The following LARS2 variants were observed in gnomAD, a reference collection of about 807,000 sequenced individuals.
LARS2 encodes leucyl-tRNA synthetase 2, mitochondrial.
A neutral mutation model predicts 116.6 loss-of-function variants in LARS2; 81 were observed. The observed-to-expected ratio is 0.69, with a 90% confidence interval of 0.58 to 0.84. The LOEUF (loss-of-function observed/expected upper bound fraction) is 0.84. Among genes scored for constraint, LARS2 ranks in the 40% least tolerant of loss-of-function variants. The probability of loss-of-function intolerance (pLI) is 0.00; values close to 1 mark genes in which losing one functional copy is unlikely to be tolerated. For synonymous variants in LARS2, 396 were observed against 407.2 expected, an observed-to-expected ratio of 0.97 and a Z score of 0.33; for missense variants, 968 against 1,114.5, an observed-to-expected ratio of 0.87 and a Z score of 1.87.
chr3:45,426,346 A>G (rs1023696440), intron 6 of LARS2, among the ~76,000 whole-genome samples: 13 of 152,262 alleles, frequency 8.5e-5, no homozygotes, highest in African/African-American at 3.1e-4. Context: ...TTGCCTTGAC[A>G]ACATGTCACA....
chr3:45,510,210 C>G (rs1700266604), intron 15 of LARS2, among the ~76,000 whole-genome samples: 1 of 151,944 alleles, frequency 6.6e-6, no homozygotes, highest in Admixed American at 6.6e-5. Context: ...CTCAGGAGTT[C>G]AAGACCAGCC....
intron 12 of LARS2, among the ~76,000 whole-genome samples, chr3:45,490,730 G>A (rs1270528225): frequency 2.0e-5 from 3 of 152,218 alleles, no homozygotes; most frequent in South Asian, 4.1e-4. Flanking sequence ...AGCCCAGCAC[G>A]TATAGATGCC....
At chr3:45,428,874 T>C (rs973273527) in intron 6 of LARS2, among the ~76,000 whole-genome samples, 10 of 152,116 alleles carry the variant, frequency 6.6e-5, no homozygotes, top group Non-Finnish European at 1.0e-4. Context: ...ATTATATATA[T>C]ATATTTCTCC....
At chr3:45,423,066 T>C (rs1698540145) in intron 6 of LARS2, among the ~76,000 whole-genome samples, 1 of 152,258 alleles carries the variant, frequency 6.6e-6, no homozygotes, top group Admixed American at 6.5e-5. Flanking sequence ...TTTTCTTTTA[T>C]CTATAGAGAC....
At position 45,536,277 on chromosome 3, in the gene LARS2, C is replaced by T. The variant is rs115288078; in HGVS notation, c.2405-5552C>T. On this transcript the variant is annotated intron_variant, in intron 20 of 21. Transcript: ENST00000645846. ...GCTGGGACGTAGGCATGCACCACCA[C>T]ATCTGGCTAATTTTTTATTTTTTTG... 8.4e-3 allele frequency among the ~76,000 whole-genome samples: 1,279 copies of T among 152,250 alleles called. 6 individuals are homozygous for T. Among genetic ancestry groups the T allele is most frequent in the Non-Finnish European group, 9.7e-3 (660 of 68,016 alleles).
intron 8 of LARS2, among the ~76,000 whole-genome samples, chr3:45,462,031 A>C (rs2125711834): frequency 6.6e-6 from 1 of 152,356 alleles, no homozygotes; most frequent in South Asian, 2.1e-4. Context: ...GTCTTGAGTT[A>C]GTGAAGAAGT....
intron 10 of LARS2, among the ~76,000 whole-genome samples, chr3:45,478,552 T>C (rs1193228167): frequency 1.3e-5 from 2 of 152,238 alleles, no homozygotes; most frequent in Non-Finnish European, 2.9e-5. Context: ...ACTGTTTTCA[T>C]GAACACATGG....
rs1293070571 is a variant in LARS2 at position 45,417,031 on chromosome 3, G to A, written c.364-451G>A. Among the ~76,000 whole-genome samples the A allele has an allele frequency of 3.4e-5, 5 of 146,666 alleles. No homozygotes were observed. In the East Asian group the frequency reaches 8.0e-4, roughly 24 times the overall value. On this transcript the variant is annotated intron_variant, in intron 4 of 21. Coordinates refer to ENST00000645846, the MANE Select transcript of LARS2 (RefSeq NM_015340.4). ...GGAGGTTGCAGTAAGCCGAGATCAC[G>A]CCACTGCACTCCAGCCTGGGTGAAA...
intron 8 of LARS2, among the ~76,000 whole-genome samples, chr3:45,469,969 ATGT>A (rs755211170): frequency 8.5e-5 from 13 of 152,192 alleles, no homozygotes; most frequent in Non-Finnish European, 1.5e-4. Context: ...TTTTAATTAG[ATGT>A]TGTTGTTCAA....
At chr3:45,417,691 T>A (rs1486163005) in intron 5 of LARS2, 118 bp downstream of exon 5, 2 of 646,528 alleles carry the variant, frequency 3.1e-6, no homozygotes, top group East Asian at 5.5e-5. Context: ...TACCAAGAGA[T>A]AAATATGATT....
chr3:45,481,510 CTTA>C (rs1699701426), intron 10 of LARS2, among the ~76,000 whole-genome samples: 1 of 152,142 alleles, frequency 6.6e-6, no homozygotes, highest in African/African-American at 2.4e-5. Flanking sequence ...ACCAACACTT[CTTA>C]TTGTCTGTGG....
chr3:45,515,995 A>T, intron 16 of LARS2, 99 bp from the exon 17 acceptor site: 1 of 851,998 alleles, frequency 1.2e-6, no homozygotes, highest in Non-Finnish European at 1.8e-6. Flanking sequence ...TCAAATGGAC[A>T]CTTTCCATCG....
rs149480304 is a variant in LARS2, at chr3:45,522,134, C to T, written c.2292+1838C>T. Among the ~76,000 whole-genome samples, 76 of 152,222 alleles carry T rather than the reference C, an allele frequency of 5.0e-4. 2 individuals are homozygous for T. In the East Asian group the frequency reaches 0.014, roughly 27 times the overall value. On this transcript the variant is annotated intron_variant, in intron 19 of 21. Coordinates refer to ENST00000645846, the MANE Select transcript of LARS2 (RefSeq NM_015340.4). ...AAATAAAAATAAAGGCATAATTATT[C>T]CCCATGCTATTGCAAAGATGGCAGA...
At chr3:45,390,610 C>A (rs1697924118) in intron 1 of LARS2, among the ~76,000 whole-genome samples, 2 of 149,590 alleles carry the variant, frequency 1.3e-5, no homozygotes, top group African/African-American at 4.9e-5. Flanking sequence ...CCAGACCGGG[C>A]CTTCTTTGCC....
At chr3:45,420,397 A>G (rs996975717) in intron 6 of LARS2, among the ~76,000 whole-genome samples, 34 of 152,184 alleles carry the variant, frequency 2.2e-4, no homozygotes, top group African/African-American at 8.0e-4. Flanking sequence ...TCCTCCACGA[A>G]GGGCCCCTTC....
intron 7 of LARS2, among the ~76,000 whole-genome samples, chr3:45,452,450 A>G (rs1345098680): frequency 7.3e-5 from 11 of 151,650 alleles, no homozygotes; most frequent in Non-Finnish European, 1.5e-4. Context: ...TATGGAAATT[A>G]TGTGTTTTGG....
intron 20 of LARS2, among the ~76,000 whole-genome samples, chr3:45,534,762 C>T (rs1424359640): frequency 6.6e-6 from 1 of 152,246 alleles, no homozygotes; most frequent in Non-Finnish European, 1.5e-5. Flanking sequence ...TAGAACCTAA[C>T]AGTCCTCTAT....
chr3:45,532,696 C>T (rs1559499434), intron 20 of LARS2, among the ~76,000 whole-genome samples: 1 of 152,048 alleles, frequency 6.6e-6, no homozygotes, highest in Non-Finnish European at 1.5e-5. Context: ...GGCTGGAGTG[C>T]GGTGGTGCCA....
At chr3:45,520,193 G>C in intron 18 of LARS2, 26 bp from the exon 19 acceptor site, 1 of 1,526,184 alleles carries the variant, frequency 6.6e-7, no homozygotes, top group South Asian at 1.1e-5. Context: ...TTTGAAATAA[G>C]TAAATAATTG....
Sources: gnomAD v4.1 joint callset for allele counts (sites outside exome capture counted in the v4.1 genomes callset) on GRCh38, gnomAD v4.1.1 for gene constraint, MANE v1.5 for transcripts, NCBI Gene and HGNC (gene_info 2026-07-23, HGNC 2026-07-21) for gene names.